The following PPP4R1 variants were observed in gnomAD, a reference collection of about 807,000 sequenced individuals.
PPP4R1 encodes the protein serine/threonine-protein phosphatase 4 regulatory subunit 1.
In PPP4R1, 42 loss-of-function variants were observed where a neutral mutation model predicts 111.2. That is an observed-to-expected ratio of 0.38 (90% CI 0.29 to 0.49). The LOEUF is 0.49. Ranked by LOEUF, PPP4R1 falls within the 20% of genes least tolerant of loss-of-function variation. PPP4R1 has a pLI of 0.97. For missense variants in PPP4R1, 1,012 were observed against 1,161.6 expected (o/e 0.87, Z 1.87); for synonymous variants, 409 against 405.5 (o/e 1.01, Z -0.10).
intron 2 of PPP4R1, among the ~76,000 whole-genome samples, chr18:9,598,880 G>C (rs1158426984): frequency 6.6e-6 from 1 of 151,888 alleles, no homozygotes; most frequent in African/African-American, 2.4e-5. Context: ...ACAAAAATTA[G>C]CTGGGCATGG....
intron 15 of PPP4R1, among the ~76,000 whole-genome samples, chr18:9,554,429 A>T (rs1370022150): frequency 6.6e-6 from 1 of 152,122 alleles, no homozygotes; most frequent in African/African-American, 2.4e-5. Context: ...GTGCCCAGCC[A>T]CAACTAAATA....
chr18:9,576,123 G>A (rs6506676), intron 10 of PPP4R1, among the ~76,000 whole-genome samples: 34,129 of 151,910 alleles, frequency 0.22, 4,164 homozygotes, highest in Non-Finnish European at 0.26. Context: ...AGGAGAACGG[G>A]CAAAAAGGTA....
At chr18:9,604,696 C>T (rs1161773339) in intron 2 of PPP4R1, among the ~76,000 whole-genome samples, 1 of 152,082 alleles carries the variant, frequency 6.6e-6, no homozygotes, top group Non-Finnish European at 1.5e-5. Flanking sequence ...GCTTTTACTC[C>T]ACCAATAATT....
At chr18:9,564,739 G>T (rs565502) in intron 11 of PPP4R1, among the ~76,000 whole-genome samples, 4,115 of 17,326 alleles carry the variant, frequency 0.24, 105 homozygotes, top group African/African-American at 0.4. Context: ...TGTGTGTGTG[G>T]GGGTATCATC....
intron 11 of PPP4R1, 130 bp from the exon 12 acceptor site, chr18:9,563,680 G>GA (rs1241317718): frequency 1.5e-5 from 13 of 841,214 alleles, no homozygotes; most frequent in African/African-American, 5.3e-5. Context: ...CAAAAAGCTG[G>GA]AAAAAAATTT....
chr18:9,597,499 G>T (rs541744387), intron 2 of PPP4R1, among the ~76,000 whole-genome samples: 2 of 152,342 alleles, frequency 1.3e-5, no homozygotes, highest in Admixed American at 6.5e-5. Flanking sequence ...GAGGAAACTA[G>T]TCGGTATTCT....
chr18:9,608,685 C>A (rs1344451061), intron 2 of PPP4R1, among the ~76,000 whole-genome samples: 5 of 152,222 alleles, frequency 3.3e-5, no homozygotes, highest in African/African-American at 1.2e-4. Context: ...GGTTTATTCT[C>A]AGCTCCAATT....
intron 3 of PPP4R1, 26 bp from the exon 4 acceptor site, chr18:9,593,900 A>G: frequency 1.3e-6 from 2 of 1,556,298 alleles, no homozygotes; most frequent in Non-Finnish European, 1.8e-6. Context: ...AAAATTATGT[A>G]TGTTCAATGG....
intron 3 of PPP4R1, chr18:9,594,793 TTAATGGTAA>T: frequency 2.3e-6 from 1 of 429,952 alleles, no homozygotes; most frequent in Non-Finnish European, 3.9e-6. Flanking sequence ...GCAATGGTAA[TTAATGGTAA>T]TTTTTTTTTT....
At chr18:9,586,824 G>A (rs746038915) in intron 6 of PPP4R1, among the ~76,000 whole-genome samples, 25 of 151,926 alleles carry the variant, frequency 1.6e-4, no homozygotes, top group Non-Finnish European at 3.1e-4. Flanking sequence ...ACTACTATCC[G>A]AACTCAGGAA....
At chr18:9,557,074 T>C in intron 15 of PPP4R1, 147 bp downstream of exon 15, 1 of 679,038 alleles carries the variant, frequency 1.5e-6, no homozygotes, top group Non-Finnish European at 2.4e-6. Flanking sequence ...GACCATTTCT[T>C]TTTTAAGTTG....
chr18:9,614,006 G>C lies in PPP4R1; in HGVS notation c.52+220C>G. On this transcript the variant is annotated intron_variant, in intron 2 of 19. Transcript: ENST00000400556. This position sits in a 1 kb window ranked among gnomAD's most constrained non-coding sequence, Gnocchi z 4.1. ...GAGCGAAGGGCGGAAAGCGAACTTG[G>C]GCGTTACTCCGGGCGTCTCCCTCCC... 3.3e-6 allele frequency: 1 copy of C among 304,242 alleles called. No homozygotes were observed. The highest frequency in any genetic ancestry group is 5.2e-5 in the Admixed American group (1 of 19,170). The allele number at this position is 304,242 out of a possible 1,614,324, so 18.8% of individuals were successfully genotyped here. A position where few individuals can be genotyped will look rare whatever the true frequency, so the allele number is the denominator to read the frequency against.
chr18:9,605,990 T>G (rs2067475814), intron 2 of PPP4R1, among the ~76,000 whole-genome samples: 1 of 152,220 alleles, frequency 6.6e-6, no homozygotes, highest in African/African-American at 2.4e-5. Context: ...TGTTAACAGC[T>G]TAATTCAGGT....
At chr18:9,555,865 G>GCA (rs879925768) in intron 15 of PPP4R1, among the ~76,000 whole-genome samples, 25 of 152,096 alleles carry the variant, frequency 1.6e-4, no homozygotes, top group East Asian at 9.7e-4. Context: ...GGCCAGGCAT[G>GCA]GTGGCTCACG....
At chr18:9,549,929 C>T in intron 18 of PPP4R1, 123 bp downstream of exon 18, 1 of 1,401,660 alleles carries the variant, frequency 7.1e-7, no homozygotes, top group Admixed American at 2.3e-5. Context: ...TATAAACAGC[C>T]AGGCTACTAT....
chr18:9,600,937 C>G (rs2067371683), intron 2 of PPP4R1, among the ~76,000 whole-genome samples: 1 of 151,992 alleles, frequency 6.6e-6, no homozygotes, highest in Admixed American at 6.6e-5. Context: ...CAAAATAGAT[C>G]AAAGACAAGG....
intron 18 of PPP4R1, 42 bp downstream of exon 18, chr18:9,550,010 G>A (rs2066463562): frequency 6.2e-7 from 1 of 1,613,218 alleles, no homozygotes. Flanking sequence ...CATTCTTCTA[G>A]GAGAAAAACT....
chr18:9,600,285 T>C lies in PPP4R1; in HGVS notation c.53-5132A>G, dbSNP rs192926206. ...ATAGCTAGAAAGATAATGGAGAAAC[T>C]AAAATTGAGTACTAAAAAATATTCA... On this transcript the variant is annotated intron_variant, in intron 2 of 19. Transcript: ENST00000400556. Among the ~76,000 whole-genome samples, 641 of 146,554 alleles carry C rather than the reference T, an allele frequency of 4.4e-3. 5 individuals carry two copies. Among genetic ancestry groups the C allele is most frequent in the Middle Eastern group, 0.014 (4 of 278 alleles).
intron 10 of PPP4R1, among the ~76,000 whole-genome samples, chr18:9,575,806 G>C: frequency 6.6e-6 from 1 of 151,894 alleles, no homozygotes; most frequent in East Asian, 1.9e-4. Context: ...ACAGAAGAAA[G>C]TTTACCAGCT....
Sources: allele counts gnomAD v4.1 joint callset (sites outside exome capture counted in the v4.1 genomes callset), GRCh38; gene constraint gnomAD v4.1.1; non-coding constraint Gnocchi (gnomAD v3.1); transcripts MANE v1.5; gene names NCBI Gene and HGNC (gene_info 2026-07-23, HGNC 2026-07-21).